Variants in KTN1 observed in about 807,000 individuals in gnomAD.
The protein encoded by KTN1 is kinectin 1.
A neutral mutation model predicts 222.5 loss-of-function variants in KTN1; 130 were observed. The ratio of observed to expected loss-of-function variants is 0.58; its 90% CI spans 0.51 to 0.68. KTN1 has a LOEUF of 0.68. KTN1 is among the 30% of genes least tolerant of loss of function. KTN1 has a pLI of 0.00. For synonymous variants in KTN1, 512 were observed against 496.3 expected (o/e 1.03, Z -0.42); for missense variants, 1,508 against 1,500.4 (o/e 1.01, Z -0.08).
intron 1 of KTN1, among the ~76,000 whole-genome samples, chr14:55,597,726 C>T (rs1310534921): frequency 6.6e-6 from 1 of 151,942 alleles, no homozygotes; most frequent in Non-Finnish European, 1.5e-5. Context: ...TGGTGGCGGG[C>T]ACCTGTAATC....
intron 42 of KTN1, chr14:55,678,663 C>T (rs2046098148): frequency 2.1e-6 from 1 of 467,946 alleles, no homozygotes; most frequent in Non-Finnish European, 3.9e-6. Context: ...GTCCCCAATT[C>T]CTGGACTGTG....
chr14:55,582,899 T>G (rs1338422426), intron 1 of KTN1, among the ~76,000 whole-genome samples: 1 of 152,172 alleles, frequency 6.6e-6, no homozygotes, highest in Non-Finnish European at 1.5e-5. Context: ...CAGAGTATAC[T>G]TAGAGGATAC....
chr14:55,615,389 T>C (rs1021426790), intron 2 of KTN1, among the ~76,000 whole-genome samples: 7 of 149,164 alleles, frequency 4.7e-5, no homozygotes, highest in African/African-American at 1.2e-4. Flanking sequence ...CCCTCCCCCT[T>C]CCCCCATATC....
intron 28 of KTN1, among the ~76,000 whole-genome samples, chr14:55,654,708 T>C (rs2043283767): frequency 6.6e-6 from 1 of 152,194 alleles, no homozygotes; most frequent in Non-Finnish European, 1.5e-5. Context: ...TACATTGTTA[T>C]CGTTGTTATT....
rs182747135 is a variant in KTN1, at chr14:55,623,057, C to T, written c.963+3745C>T. On this transcript the variant is annotated intron_variant, in intron 5 of 43. Coordinates refer to ENST00000395314, the MANE Select transcript of KTN1 (RefSeq NM_001079521.2). ...CAATTTCTTTCTATGCCCACTTCCT[C>T]CTTCAAGTCTCCACTTAAATGTCAT... 4.3e-4 allele frequency among the ~76,000 whole-genome samples: 65 copies of T among 152,328 alleles called. No homozygotes were observed. In the East Asian group the frequency reaches 0.01, roughly 24 times the overall value.
rs1359764876 is a variant in KTN1 at position 55,653,924 on chromosome 14, T to A, written c.2801+328T>A. Among the ~76,000 whole-genome samples the A allele has an allele frequency of 2.6e-5, 4 of 152,162 alleles. No homozygotes were observed. In the East Asian group the frequency reaches 7.7e-4, roughly 29 times the overall value. ...AGATTAAACTTATTTCAAATGAAAA[T>A]TAGTATTTGAATTAGATGTTAGTAA... On this transcript the variant is annotated intron_variant, in intron 28 of 43. Coordinates refer to ENST00000395314, the MANE Select transcript of KTN1 (RefSeq NM_001079521.2).
In KTN1 at chr14:55,661,767, G is replaced by A. The variant is rs533401879; in HGVS notation, c.3090+155G>A. ...GTGTGTAGTTTTTTCGGGGGGCGGG[G>A]CATTATTGGAGAACAGTTTTTTTTA... On this transcript the variant is annotated intron_variant, in intron 32 of 43. Transcript: ENST00000395314. The A allele has an allele frequency of 1.4e-3, 596 of 423,776 alleles. 2 individuals are homozygous for A. The highest frequency in any genetic ancestry group is 0.011 in the African/African-American group (552 of 48,488). 26.3% of individuals were successfully genotyped at this position (423,776 alleles called of 1,614,324 possible).
chr14:55,629,602 G>A (rs900196832), intron 6 of KTN1, among the ~76,000 whole-genome samples: 4 of 152,042 alleles, frequency 2.6e-5, no homozygotes, highest in Non-Finnish European at 4.4e-5. Context: ...GTGTACCTGG[G>A]AATGATAGAG....
intron 1 of KTN1, among the ~76,000 whole-genome samples, chr14:55,603,309 C>CTT (rs1197669518): frequency 1.3e-5 from 2 of 152,198 alleles, no homozygotes; most frequent in African/African-American, 4.8e-5. Flanking sequence ...GTTGTCCACA[C>CTT]TTGCTAGAGT....
chr14:55,664,084 A>C, intron 33 of KTN1, 43 bp downstream of exon 33: 1 of 1,277,058 alleles, frequency 7.8e-7, no homozygotes, highest in Non-Finnish European at 1.1e-6. Context: ...GAACAGAGAA[A>C]ATCTGCAGCT....
In KTN1 at chr14:55,646,027, C is replaced by G. The variant is rs147152804; in HGVS notation, c.2173-946C>G. On this transcript the variant is annotated intron_variant, in intron 18 of 43. Coordinates refer to ENST00000395314, the MANE Select transcript of KTN1 (RefSeq NM_001079521.2). ...GAGAAAGACCCTAAATCTTTTTGGT[C>G]AGGCTGCTTGGCTGTCTGAAGATAA... 2.5e-3 allele frequency among the ~76,000 whole-genome samples: 377 copies of G among 152,140 alleles called. 3 individuals are homozygous for G. The highest frequency in any genetic ancestry group is 8.8e-3 in the African/African-American group (365 of 41,514).
intron 32 of KTN1, among the ~76,000 whole-genome samples, chr14:55,662,398 G>T (rs1170870927): frequency 1.3e-5 from 2 of 152,044 alleles, no homozygotes; most frequent in African/African-American, 4.8e-5. Flanking sequence ...CTGAGAGGTG[G>T]TTCAAATTTT....
intron 25 of KTN1, among the ~76,000 whole-genome samples, chr14:55,652,624 C>T (rs964283154): frequency 2.6e-5 from 4 of 152,138 alleles, no homozygotes; most frequent in African/African-American, 7.2e-5. Flanking sequence ...TGGTCTTGAT[C>T]TCCTGACCTT....
chr14:55,644,939 C>T lies in KTN1; in HGVS notation c.2173-2034C>T, dbSNP rs540612536. On this transcript the variant is annotated intron_variant, in intron 18 of 43. Transcript: ENST00000395314. ...TTCATTAAAAAAAATTCATCAAATACTTATTTACTAGTTGAGTATATGCTA... is the reference window on the plus strand; with the variant it reads ...TTCATTAAAAAAAATTCATCAAATATTTATTTACTAGTTGAGTATATGCTA... Among the ~76,000 whole-genome samples the T allele has an allele frequency of 2.4e-3, 372 of 152,154 alleles. 1 individual carries two copies. The highest frequency in any genetic ancestry group is 4.0e-3 in the Non-Finnish European group (273 of 67,972).
At chr14:55,654,195 T>G (rs2043219886) in intron 28 of KTN1, among the ~76,000 whole-genome samples, 1 of 152,172 alleles carries the variant, frequency 6.6e-6, no homozygotes, top group African/African-American at 2.4e-5. Flanking sequence ...GGAAAGGGTA[T>G]CTGGACCTGA....
rs2046613150 is a variant in KTN1 at position 55,684,446 on chromosome 14, T to C, written c.*343T>C. The C allele has an allele frequency of 1.2e-5, 3 of 244,050 alleles. No individual in the cohort carries two copies. The highest frequency in any genetic ancestry group is 2.4e-5 in the Non-Finnish European group (3 of 126,494). 15.1% of individuals were successfully genotyped at this position (244,050 alleles called of 1,614,324 possible). On this transcript the variant is annotated 3_prime_UTR_variant, in exon 44 of 44. Coordinates refer to ENST00000395314, the MANE Select transcript of KTN1 (RefSeq NM_001079521.2). The stretch of plus-strand genomic sequence containing the variant: ...GTAAAATTTAACATTTTAATACTGA[T>C]GTTGTACACTGTTTTACTTAACATT...
At chr14:55,653,646 T>A (rs956044303) in intron 28 of KTN1, 50 bp downstream of exon 28, 2 of 1,375,670 alleles carry the variant, frequency 1.5e-6, no homozygotes, top group Admixed American at 3.5e-5. Flanking sequence ...CGTCTCATTA[T>A]TTTCCAGGGT....
intron 30 of KTN1, among the ~76,000 whole-genome samples, chr14:55,659,307 G>GGTTTTTTT (rs1193826096): frequency 8.3e-6 from 1 of 120,648 alleles, no homozygotes; most frequent in African/African-American, 3.0e-5. Context: ...TTTGATTTCT[G>GGTTTTTTT]TTTTTTTTTT....
intron 1 of KTN1, among the ~76,000 whole-genome samples, chr14:55,581,268 G>A (rs1393603430): frequency 6.6e-6 from 1 of 152,228 alleles, no homozygotes; most frequent in African/African-American, 2.4e-5. Context: ...CGTCCCAGCC[G>A]GCCCCAGTTG....
Sources: gnomAD v4.1 joint callset for allele counts (sites outside exome capture counted in the v4.1 genomes callset) on GRCh38, gnomAD v4.1.1 for gene constraint, MANE v1.5 for transcripts, NCBI Gene and HGNC (gene_info 2026-07-23, HGNC 2026-07-21) for gene names.